The following MEI1 variants were observed in gnomAD, a reference collection of about 807,000 sequenced individuals.
MEI1 encodes meiosis inhibitor protein 1.
In MEI1, 103 loss-of-function variants were observed where a neutral mutation model predicts 146.2. That is an observed-to-expected ratio of 0.70 (90% CI 0.60 to 0.83). The LOEUF (loss-of-function observed/expected upper bound fraction) is 0.83, where lower values mean the gene tolerates loss of function less well. Ranked by LOEUF, MEI1 falls within the 40% of genes least tolerant of loss-of-function variation. The probability of loss-of-function intolerance (pLI) is 0.00; values close to 1 mark genes in which losing one functional copy is unlikely to be tolerated. For synonymous variants in MEI1, 652 were observed against 628.2 expected (o/e 1.04, Z -0.57); for missense variants, 1,529 against 1,533.0 (o/e 1.00, Z 0.04).
At position 41,699,522 on chromosome 22, in the gene MEI1, T is replaced by C; in HGVS notation, c.-17T>C. On this transcript the variant is annotated 5_prime_UTR_variant, in exon 1 of 31. Coordinates refer to ENST00000401548, the MANE Select transcript of MEI1 (RefSeq NM_152513.4). ...GCGCGGGAAAGAGTGCCGCCTCAGC[T>C]GAGGGCAAGCGAGGAGATGGCTGTG... 1.9e-6 allele frequency: 3 copies of C among 1,602,342 alleles called. No individual in the cohort carries two copies. The highest frequency in any genetic ancestry group is 1.7e-5 in the Admixed American group (1 of 59,344).
intron 20 of MEI1, chr22:41,774,520 A>G (rs990650215): frequency 9.2e-5 from 14 of 152,094 alleles, no homozygotes; most frequent in African/African-American, 3.4e-4. Flanking sequence ...AATTATCTAG[A>G]TTCTCTCTAG....
rs564602038 is a variant in MEI1 at position 41,711,251 on chromosome 22, C to T, written c.350-2751C>T. 6.6e-5 allele frequency among the ~76,000 whole-genome samples: 10 copies of T among 152,206 alleles called. No individual in the cohort carries two copies. The South Asian group carries it at 2.1e-3, about 32-fold the overall frequency. On this transcript the variant is annotated intron_variant, in intron 3 of 30. Coordinates refer to ENST00000401548, the MANE Select transcript of MEI1 (RefSeq NM_152513.4). ...GCAGTGGCGCGATCTCGGCTCACTG[C>T]AAGCTCTGCCTCCTGGGTTCACGCC...
rs761063090 is a variant in MEI1 at position 41,781,739 on chromosome 22, T to C, written c.2981T>C (p.Leu994Pro). The C allele has an allele frequency of 1.2e-6, 2 of 1,613,938 alleles. No homozygotes were observed. The highest frequency in any genetic ancestry group is 1.7e-6 in the Non-Finnish European group (2 of 1,179,902). Residue 994 changes from leucine to proline, a missense_variant, in exon 24 of 31, where the codon CTG (leucine) becomes CCG (proline). Transcript: ENST00000401548. ...TGLMELLEKM[L>P]ALTLAKADSP... ...CTGATGGAGCTTCTGGAGAAGATGC[T>C]GGCCCTCACCTTGGCAAAGGCAGAT... is the stretch of plus-strand genomic sequence containing the variant.
At chr22:41,794,220 C>T in intron 27 of MEI1, 151 bp from the exon 28 acceptor site, 1 of 694,872 alleles carries the variant, frequency 1.4e-6, no homozygotes, top group East Asian at 2.5e-5. Context: ...GGATTAGAAG[C>T]CCAGGGAAGA....
intron 15 of MEI1, among the ~76,000 whole-genome samples, chr22:41,751,522 G>A (rs1374404116): frequency 1.3e-5 from 2 of 152,212 alleles, no homozygotes; most frequent in Admixed American, 6.5e-5. Flanking sequence ...GCTCACGCCT[G>A]TAATCCCAGC....
intron 30 of MEI1, among the ~76,000 whole-genome samples, chr22:41,797,513 G>C (rs2076405377): frequency 6.6e-6 from 1 of 152,090 alleles, no homozygotes; most frequent in African/African-American, 2.4e-5. Flanking sequence ...TTAGGAGGTT[G>C]AGACAGGAGA....
At chr22:41,782,945 G>A (rs1305810119) in intron 24 of MEI1, among the ~76,000 whole-genome samples, 2 of 151,976 alleles carry the variant, frequency 1.3e-5, no homozygotes, top group Admixed American at 6.6e-5. Context: ...CTGGCCACCC[G>A]CCTCTTCCCT....
At chr22:41,759,862 C>A (rs1292101058) in intron 18 of MEI1, among the ~76,000 whole-genome samples, 1 of 151,756 alleles carries the variant, frequency 6.6e-6, no homozygotes, top group East Asian at 1.9e-4. Context: ...AAGGACTGTT[C>A]TTTCTTAAGC....
At chr22:41,727,697 G>A (rs1410919081) in intron 7 of MEI1, among the ~76,000 whole-genome samples, 1 of 152,172 alleles carries the variant, frequency 6.6e-6, no homozygotes, top group Non-Finnish European at 1.5e-5. Context: ...ATTTACGGCA[G>A]TGTAAGGAAA....
chr22:41,740,083 G>C (rs974625226), intron 11 of MEI1, among the ~76,000 whole-genome samples: 1 of 151,858 alleles, frequency 6.6e-6, no homozygotes, highest in Non-Finnish European at 1.5e-5. Flanking sequence ...TCAGTGGCTC[G>C]ATCTCGGTTC....
intron 11 of MEI1, 145 bp downstream of exon 11, chr22:41,732,748 A>G: frequency 1.1e-6 from 1 of 874,492 alleles, no homozygotes; most frequent in Non-Finnish European, 1.6e-6. Flanking sequence ...TTCCACATCC[A>G]TGGATTCAAC....
rs558652148 is a variant in MEI1 at position 41,781,770 on chromosome 22, C to T, written c.3012C>T (p.Pro1004=). Residue 1004 remains proline (P), a synonymous_variant, in exon 24 of 31, where the codon CCC becomes CCT. Coordinates refer to ENST00000401548, the MANE Select transcript of MEI1 (RefSeq NM_152513.4). ...LALTLAKADS[P]RTALLCSAWL... ...TCACCTTGGCAAAGGCAGATTCTCCCAGGACTGCACTCCTCTGCTCTGCCT... is the reference window on the plus strand; with the variant it reads ...TCACCTTGGCAAAGGCAGATTCTCCTAGGACTGCACTCCTCTGCTCTGCCT... The T allele has an allele frequency of 1.2e-6, 2 of 1,613,964 alleles. No individual in the cohort carries two copies. The highest frequency in any genetic ancestry group is 1.1e-5 in the South Asian group (1 of 91,078).
chr22:41,722,758 T>A (rs1271168255), intron 6 of MEI1, among the ~76,000 whole-genome samples: 1 of 152,204 alleles, frequency 6.6e-6, no homozygotes, highest in African/African-American at 2.4e-5. Flanking sequence ...ATTAGATGAT[T>A]CATTTGATTT....
chr22:41,790,450 T>G (rs572045797), intron 26 of MEI1, among the ~76,000 whole-genome samples: 10 of 152,298 alleles, frequency 6.6e-5, no homozygotes, highest in Non-Finnish European at 4.4e-5. Context: ...CAGCAAATAT[T>G]TATTCCACAG....
At chr22:41,781,465 A>C in intron 23 of MEI1, 71 bp downstream of exon 23, 1 of 1,345,604 alleles carries the variant, frequency 7.4e-7, no homozygotes, top group Non-Finnish European at 1.0e-6. Flanking sequence ...CAACTTTTTC[A>C]TCTTAAAAAA....
At chr22:41,709,161 A>T in intron 3 of MEI1, 1 of 732,298 alleles carries the variant, frequency 1.4e-6, no homozygotes, top group Non-Finnish European at 2.5e-6. Context: ...TTGATAAAAA[A>T]TAGTATTTCA....
At chr22:41,786,023 G>C (rs2075971410) in intron 26 of MEI1, among the ~76,000 whole-genome samples, 2 of 145,970 alleles carry the variant, frequency 1.4e-5, no homozygotes, top group Admixed American at 1.4e-4. Flanking sequence ...CCATTCTCCT[G>C]CCTCAGCCTC....
chr22:41,745,815 C>A (rs983649380), intron 13 of MEI1, 70 bp from the exon 14 acceptor site: 22 of 1,469,334 alleles, frequency 1.5e-5, no homozygotes, highest in East Asian at 2.4e-5. Flanking sequence ...CCCGCCACCC[C>A]CCAGGAAGCT....
rs756061480 is a variant in MEI1, at chr22:41,752,663, C to T, written c.1853+12C>T. On this transcript the variant is annotated intron_variant, in intron 16 of 30. Transcript: ENST00000401548. ...TGCAGTGGTCTGAGGTATGTGTGGTCCCAGGCAAGATTGAGTGGCCAAGGG... is the reference window on the plus strand; with the variant it reads ...TGCAGTGGTCTGAGGTATGTGTGGTTCCAGGCAAGATTGAGTGGCCAAGGG... 2 of 1,587,022 alleles carry T rather than the reference C, an allele frequency of 1.3e-6. No individual in the cohort carries two copies. The highest frequency in any genetic ancestry group is 3.3e-4 in the Middle Eastern group (2 of 6,050).
Sources: gnomAD v4.1 joint callset for allele counts (sites outside exome capture counted in the v4.1 genomes callset) on GRCh38, gnomAD v4.1.1 for gene constraint, MANE v1.5 for transcripts, NCBI Gene and HGNC (gene_info 2026-07-23, HGNC 2026-07-21) for gene names.